Variants in CMC2 observed in about 807,000 individuals in gnomAD.
CMC2 encodes COX assembly mitochondrial protein 2 homolog.
In CMC2, 5 loss-of-function variants were observed where a neutral mutation model predicts 7.5. The ratio of observed to expected loss-of-function variants is 0.66; its 90% CI spans 0.35 to 1.40. CMC2 has a LOEUF of 1.40. Among genes scored for constraint, CMC2 ranks in the 40% most tolerant of loss-of-function variants. The probability of loss-of-function intolerance (pLI) is 0.04; values close to 1 mark genes in which losing one functional copy is unlikely to be tolerated. For synonymous variants in CMC2, 37 were observed against 31.4 expected (o/e 1.18, Z -0.60); for missense variants, 115 against 92.3 (o/e 1.25, Z -1.01).
At chr16:80,978,364 T>A (rs750082248) in intron 3 of CMC2, 2 of 1,267,444 alleles carry the variant, frequency 1.6e-6, no homozygotes, top group South Asian at 2.5e-5. Flanking sequence ...AATTAAAATA[T>A]AGTCTACATT....
chr16:80,988,727 C>G (rs1004577214), intron 2 of CMC2: 2 of 538,088 alleles, frequency 3.7e-6, no homozygotes, highest in African/African-American at 3.9e-5. Context: ...ATCATTCATG[C>G]AAAAGGCAAA....
rs1164076843 is a variant in CMC2, at chr16:80,971,628, G to A, written c.*4465C>T. On this transcript the variant is annotated 3_prime_UTR_variant, in exon 4 of 4. Coordinates refer to ENST00000219400, the MANE Select transcript of CMC2 (RefSeq NM_020188.5). ...TATATATATGTATGAAATCATGCAT[G>A]AGAATGAAATATATCAAAGTCAGGG... 7.3e-6 allele frequency: 1 copy of A among 136,342 alleles called. No individual in the cohort carries two copies. The highest frequency in any genetic ancestry group is 1.5e-5 in the Non-Finnish European group (1 of 65,138). The allele number at this position is 136,342 out of a possible 1,614,324, so 8.4% of individuals were successfully genotyped here. A position where few individuals can be genotyped will look rare whatever the true frequency, so the allele number is the denominator to read the frequency against.
In CMC2 at chr16:80,967,882, A is replaced by T. The variant is rs11864367; in HGVS notation, c.*8211T>A. 0.19 allele frequency: 28,158 copies of T among 152,188 alleles called. 2,768 individuals carry two copies. The highest frequency in any genetic ancestry group is 0.21 in the Non-Finnish European group (14,531 of 67,984). The allele number at this position is 152,188 out of a possible 1,614,324, so 9.4% of individuals were successfully genotyped here. On this transcript the variant is annotated 3_prime_UTR_variant, in exon 4 of 4. Transcript: ENST00000219400. ...TTTGCCCTTAAGATTTTGCTGTCAT[A>T]TTCAATGACAACATACCATATTAAC...
At chr16:80,997,654 A>T in intron 1 of CMC2, 2 of 293,604 alleles carry the variant, frequency 6.8e-6, no homozygotes, top group Non-Finnish European at 1.3e-5. Flanking sequence ...CAGGTTCAGG[A>T]GAAAAGCAGG....
intron 1 of CMC2, chr16:80,998,503 T>C (rs1418334425): frequency 6.6e-6 from 1 of 152,180 alleles, no homozygotes; most frequent in Non-Finnish European, 1.5e-5. Flanking sequence ...AATTACCATA[T>C]GATCCAACAA....
intron 2 of CMC2, among the ~76,000 whole-genome samples, chr16:80,996,469 T>G (rs1968423540): frequency 6.6e-6 from 1 of 152,224 alleles, no homozygotes; most frequent in Non-Finnish European, 1.5e-5. Flanking sequence ...TCTGGCTCAT[T>G]TGATCTATAT....
At chr16:80,998,669 T>C (rs768339301) in intron 1 of CMC2, 5 of 152,138 alleles carry the variant, frequency 3.3e-5, no homozygotes, top group Non-Finnish European at 7.4e-5. Flanking sequence ...GGTATATACA[T>C]ACAATGGAAT....
chr16:80,995,027 T>A (rs1968295875), intron 2 of CMC2, among the ~76,000 whole-genome samples: 2 of 152,004 alleles, frequency 1.3e-5, no homozygotes, highest in Non-Finnish European at 2.9e-5. Context: ...ACACCTGTAA[T>A]CCCAGCTCCT....
At chr16:81,005,294 C>T (rs1162214985) in intron 1 of CMC2, among the ~76,000 whole-genome samples, 2 of 152,074 alleles carry the variant, frequency 1.3e-5, no homozygotes, top group African/African-American at 2.4e-5. Flanking sequence ...GGCCTGTAAC[C>T]CTAGCTACTC....
chr16:80,995,884 T>C (rs776277502), intron 2 of CMC2, among the ~76,000 whole-genome samples: 3 of 152,140 alleles, frequency 2.0e-5, no homozygotes, highest in East Asian at 1.9e-4. Context: ...TCAAACTGTA[T>C]ACTTAAAATA....
At chr16:80,987,009 T>C (rs982640657) in intron 2 of CMC2, among the ~76,000 whole-genome samples, 4 of 152,202 alleles carry the variant, frequency 2.6e-5, no homozygotes, top group Non-Finnish European at 5.9e-5. Flanking sequence ...GGTAGAAGCC[T>C]GTGGAAGAGT....
intron 3 of CMC2, among the ~76,000 whole-genome samples, chr16:80,979,605 AT>A (rs1188844502): frequency 1.3e-5 from 2 of 151,324 alleles, no homozygotes; most frequent in African/African-American, 2.4e-5. Context: ...TATTTTATTT[AT>A]TTTTTATTTT....
intron 2 of CMC2, among the ~76,000 whole-genome samples, chr16:80,990,167 T>C (rs955936406): frequency 4.0e-5 from 6 of 151,058 alleles, no homozygotes; most frequent in Non-Finnish European, 5.9e-5. Context: ...ACAAAACATA[T>C]AATTTTTTTC....
At position 80,971,916 on chromosome 16, in the gene CMC2, C is replaced by T. The variant is rs960917527; in HGVS notation, c.*4177G>A. ...AATCTTCCCTTTTGCTCACTTCAGA[C>T]GTGGTATACACTCAGCCAGTTTCTT... is the stretch of plus-strand genomic sequence containing the variant. On this transcript the variant is annotated 3_prime_UTR_variant, in exon 4 of 4. Transcript: ENST00000219400. 8 of 152,168 alleles carry T rather than the reference C, an allele frequency of 5.3e-5. No individual in the cohort carries two copies. The highest frequency in any genetic ancestry group is 1.9e-4 in the African/African-American group (8 of 41,436). The allele number at this position is 152,168 out of a possible 1,614,324, so 9.4% of individuals were successfully genotyped here.
In CMC2 at chr16:81,004,123, G is replaced by A. The variant is rs537755020; in HGVS notation, c.-36+2611C>T. Among the ~76,000 whole-genome samples the A allele has an allele frequency of 3.9e-5, 6 of 152,308 alleles. No homozygotes were observed. The South Asian group carries it at 1.2e-3, about 32-fold the overall frequency. On this transcript the variant is annotated intron_variant, in intron 1 of 3. Transcript: ENST00000219400. ...CTGTAATCCAGCTACTTGGGAGGCT[G>A]AGGCAGGGGAATCGCTTCAGCCCTG...
rs1479848193 is a variant in CMC2, at chr16:80,997,439, C to T, written c.-35-10G>A. Reference sequence around the variant, plus strand: ...ATCACAGCAGTGCAACCTGTGGATACAAGAGTGTCTTGAATATGCATAAAC... The same window carrying T: ...ATCACAGCAGTGCAACCTGTGGATATAAGAGTGTCTTGAATATGCATAAAC... On this transcript the variant is annotated splice_polypyrimidine_tract_variant and intron_variant, in intron 1 of 3. Transcript: ENST00000219400. 3 of 1,430,532 alleles carry T rather than the reference C, an allele frequency of 2.1e-6. No individual in the cohort carries two copies. The highest frequency in any genetic ancestry group is 3.0e-6 in the Non-Finnish European group (3 of 1,013,826). 88.6% of individuals were successfully genotyped at this position (1,430,532 alleles called of 1,614,324 possible).
chr16:80,981,162 G>C (rs532420051), intron 3 of CMC2, among the ~76,000 whole-genome samples: 12 of 151,384 alleles, frequency 7.9e-5, no homozygotes, highest in African/African-American at 2.9e-4. Context: ...AAAAGTTCTG[G>C]ACACAAAAAA....
chr16:80,975,900 G>C lies in CMC2; in HGVS notation c.*193C>G, dbSNP rs565807124. On this transcript the variant is annotated 3_prime_UTR_variant, in exon 4 of 4. Transcript: ENST00000219400. ...GGTGAAGTCAGGTTTGCTGGTAAAG[G>C]GGAGACAGTACTAAACGCCCTGCCC... 2.2e-5 allele frequency: 11 copies of C among 508,904 alleles called. No individual in the cohort carries two copies. In the East Asian group the frequency reaches 3.1e-4, roughly 14 times the overall value. The allele number at this position is 508,904 out of a possible 1,614,324, so 31.5% of individuals were successfully genotyped here.
rs1708254764 is a variant in CMC2, at chr16:80,971,030, G to A, written c.*5063C>T. The A allele has an allele frequency of 6.6e-6, 1 of 152,162 alleles. No homozygotes were observed. Among genetic ancestry groups the A allele is most frequent in the Admixed American group, 6.6e-5 (1 of 15,262 alleles). 9.4% of individuals were successfully genotyped at this position (152,162 alleles called of 1,614,324 possible). A position where few individuals can be genotyped will look rare whatever the true frequency, so the allele number is the denominator to read the frequency against. ...CATGCCTGTAGTCCCAGCCACTCAG[G>A]AGGCTAAGGCACGAGAATTGCTTGA... is the stretch of plus-strand genomic sequence containing the variant. On this transcript the variant is annotated 3_prime_UTR_variant, in exon 4 of 4. Transcript: ENST00000219400.
Sources: gnomAD v4.1 joint callset for allele counts (sites outside exome capture counted in the v4.1 genomes callset) on GRCh38, gnomAD v4.1.1 for gene constraint, MANE v1.5 for transcripts, NCBI Gene and HGNC (gene_info 2026-07-23, HGNC 2026-07-21) for gene names.